The following DLGAP2 variants were observed in gnomAD, a reference collection of about 807,000 sequenced individuals.
The protein encoded by DLGAP2 is disks large-associated protein 2.
In DLGAP2, 26 loss-of-function variants were observed where a neutral mutation model predicts 100.3. The ratio of observed to expected loss-of-function variants is 0.26; its 90% CI spans 0.19 to 0.36. The LOEUF is 0.36. Among genes scored for constraint, DLGAP2 ranks in the 10% least tolerant of loss-of-function variants. The pLI, the probability that DLGAP2 is intolerant of heterozygous loss-of-function variation, is 1.00. For missense variants in DLGAP2, 1,858 were observed against 1,453.2 expected (o/e 1.28, Z -4.53); for synonymous variants, 886 against 630.1 (o/e 1.41, Z -6.08).
At chr8:1,444,353 A>G (rs1336640313) in intron 3 of DLGAP2, among the ~76,000 whole-genome samples, 1 of 152,240 alleles carries the variant, frequency 6.6e-6, no homozygotes, top group African/African-American at 2.4e-5. Flanking sequence ...TGTTAACAAC[A>G]CTACCAAATA....
intron 2 of DLGAP2, among the ~76,000 whole-genome samples, chr8:927,712 G>A (rs1798848954): frequency 6.6e-6 from 1 of 152,196 alleles, no homozygotes; most frequent in Non-Finnish European, 1.5e-5. Context: ...CAGAGGTCTT[G>A]GGATGTATGG....
At chr8:1,242,511 C>T (rs1218889887) in intron 2 of DLGAP2, among the ~76,000 whole-genome samples, 2 of 152,224 alleles carry the variant, frequency 1.3e-5, no homozygotes, top group Admixed American at 6.5e-5. Flanking sequence ...CCAACCCCGC[C>T]CACTTCCTCT....
chr8:1,661,271 G>T (rs977057944), intron 8 of DLGAP2, among the ~76,000 whole-genome samples: 5 of 152,190 alleles, frequency 3.3e-5, no homozygotes, highest in Non-Finnish European at 7.3e-5. Context: ...GGTGGTGGGG[G>T]CTGCAGACCT....
rs769793103 is a variant in DLGAP2, at chr8:1,105,446, C to G, written c.74-153405C>G. ...TTTGTCCTTTGATGAGAACAGTCAC[C>G]CTAACATGGTTCTGGTCCGTGTTTC... On this transcript the variant is annotated intron_variant, in intron 2 of 14. Coordinates refer to ENST00000637795, the MANE Select transcript of DLGAP2 (RefSeq NM_001346810.2). Among the ~76,000 whole-genome samples, 7 of 152,032 alleles carry G rather than the reference C, an allele frequency of 4.6e-5. No individual in the cohort carries two copies. In the South Asian group the frequency reaches 1.5e-3, roughly 32 times the overall value.
chr8:1,274,716 T>C (rs1403499534), intron 3 of DLGAP2, among the ~76,000 whole-genome samples: 1 of 139,500 alleles, frequency 7.2e-6, no homozygotes, highest in Non-Finnish European at 1.5e-5. Flanking sequence ...TTTTTTTTTT[T>C]TTTTTTTTGC....
Position 1,548,729 on chromosome 8 carries a change from G to T in DLGAP2, c.276G>T (p.Pro92=), listed in dbSNP as rs755944387. The part of the protein sequence containing the change: ...KGLSGSRTQP[P]LCSGHTCGLA... ...TTTCCGGAAGTCGGACCCAGCCGCC[G>T]CTGTGTTCCGGGCACACGTGTGGTC... Residue 92 remains proline, a synonymous_variant, in exon 5 of 15, where the codon CCG becomes CCT. Transcript: ENST00000637795. 6 of 1,606,364 alleles carry T rather than the reference G, an allele frequency of 3.7e-6. No homozygotes were observed. The highest frequency in any genetic ancestry group is 1.3e-5 in the African/African-American group (1 of 74,728).
intron 2 of DLGAP2, among the ~76,000 whole-genome samples, chr8:947,501 A>C (rs980113658): frequency 2.6e-5 from 4 of 152,202 alleles, no homozygotes; most frequent in African/African-American, 9.6e-5. Context: ...TGTTCCAGTA[A>C]GATGTGGCCC....
intron 2 of DLGAP2, among the ~76,000 whole-genome samples, chr8:1,229,152 A>G (rs1459213783): frequency 6.6e-6 from 1 of 152,198 alleles, no homozygotes. Context: ...AAAATGACCA[A>G]GATGTTATAA....
At chr8:1,104,422 G>A (rs537005238) in intron 2 of DLGAP2, among the ~76,000 whole-genome samples, 7 of 152,314 alleles carry the variant, frequency 4.6e-5, no homozygotes, top group East Asian at 3.9e-4. Flanking sequence ...GTCATGTTAC[G>A]GAAATCCCTT....
intron 3 of DLGAP2, among the ~76,000 whole-genome samples, chr8:1,349,533 G>C (rs77271829): frequency 2.4e-5 from 2 of 82,858 alleles, no homozygotes; most frequent in Admixed American, 1.3e-4. Context: ...GGGGACTGTC[G>C]TGAGCCTCCC....
chr8:818,557 C>A (rs556123486), intron 1 of DLGAP2, among the ~76,000 whole-genome samples: 1 of 152,116 alleles, frequency 6.6e-6, no homozygotes, highest in African/African-American at 2.4e-5. Context: ...ATGTTCCTGC[C>A]GTAGTTCTTG....
chr8:1,056,993 G>A lies in DLGAP2; in HGVS notation c.73+149027G>A, dbSNP rs963766541. Among the ~76,000 whole-genome samples the A allele has an allele frequency of 3.3e-5, 5 of 152,288 alleles. No homozygotes were observed. In the East Asian group the frequency reaches 5.8e-4, roughly 18 times the overall value. ...GAAGAGACAGAGACAGACCGTGTTC[G>A]TTAGTTTTCGTTAACCCCAAGAACT... On this transcript the variant is annotated intron_variant, in intron 2 of 14. Transcript: ENST00000637795.
intron 2 of DLGAP2, among the ~76,000 whole-genome samples, chr8:1,100,906 T>C (rs566944242): frequency 6.6e-6 from 1 of 152,236 alleles, no homozygotes; most frequent in Non-Finnish European, 1.5e-5. Context: ...GCATTTCAAG[T>C]GCTTTATAGC....
chr8:1,234,271 C>T (rs1798597464), intron 2 of DLGAP2, among the ~76,000 whole-genome samples: 1 of 152,212 alleles, frequency 6.6e-6, no homozygotes, highest in Non-Finnish European at 1.5e-5. Flanking sequence ...GCACGTCTCA[C>T]CGCTCTGGAG....
At chr8:1,599,413 A>G (rs559549824) in intron 6 of DLGAP2, among the ~76,000 whole-genome samples, 54 of 152,304 alleles carry the variant, frequency 3.5e-4, no homozygotes, top group African/African-American at 1.3e-3. Flanking sequence ...AGTCCTGAAT[A>G]TCATTGTTAA....
intron 2 of DLGAP2, among the ~76,000 whole-genome samples, chr8:1,237,209 C>T (rs1162355053): frequency 7.1e-5 from 10 of 140,032 alleles, no homozygotes; most frequent in Admixed American, 2.1e-4. Flanking sequence ...CACGTGGTGC[C>T]GTGTCTAGTT....
chr8:1,492,388 C>A (rs1344527359), intron 3 of DLGAP2, among the ~76,000 whole-genome samples: 1 of 152,176 alleles, frequency 6.6e-6, no homozygotes, highest in African/African-American at 2.4e-5. Flanking sequence ...TAGGCTCGAG[C>A]GTGCTTTCTG....
At chr8:1,460,558 C>G (rs1474029573) in intron 3 of DLGAP2, among the ~76,000 whole-genome samples, 10 of 152,130 alleles carry the variant, frequency 6.6e-5, no homozygotes, top group Non-Finnish European at 1.5e-4. Flanking sequence ...CATGGTGACT[C>G]GACGGTCTCT....
intron 2 of DLGAP2, among the ~76,000 whole-genome samples, chr8:1,134,585 T>C (rs913960848): frequency 1.4e-4 from 22 of 152,210 alleles, no homozygotes; most frequent in Non-Finnish European, 2.4e-4. Flanking sequence ...AGCAATGTAA[T>C]CTAAAACATG....
Sources: allele counts gnomAD v4.1 joint callset (sites outside exome capture counted in the v4.1 genomes callset), GRCh38; gene constraint gnomAD v4.1.1; transcripts MANE v1.5; gene names NCBI Gene and HGNC (gene_info 2026-07-23, HGNC 2026-07-21).